Variants in TMEM232 observed in about 807,000 individuals in gnomAD.
TMEM232 encodes transmembrane protein 232.
Under a neutral mutation model 78.8 loss-of-function variants are expected in TMEM232, and 80 were observed. The observed-to-expected ratio is 1.01, with a 90% CI of 0.85 to 1.22. The LOEUF is 1.22. TMEM232 is among the 50% of genes most tolerant of loss of function. The pLI is 0.00. For missense variants in TMEM232, 881 were observed against 742.2 expected (o/e 1.19, Z -2.17); for synonymous variants, 297 against 254.3 (o/e 1.17, Z -1.60).
chr5:110,519,437 C>T (rs576052113), intron 12 of TMEM232, among the ~76,000 whole-genome samples: 52 of 152,158 alleles, frequency 3.4e-4, no homozygotes, highest in African/African-American at 1.1e-3. Context: ...TCTCATCCCA[C>T]GTAAAATGGC....
At chr5:110,415,019 C>T (rs1276277126), downstream of TMEM232, among the ~76,000 whole-genome samples, 3 of 152,112 alleles carry the variant, frequency 2.0e-5, no homozygotes, top group Non-Finnish European at 4.4e-5. Flanking sequence ...AAAATGTTTG[C>T]ATACAATATC....
chr5:110,638,379 C>A, intron 4 of TMEM232, 24 bp from the exon 5 acceptor site: 1 of 1,506,708 alleles, frequency 6.6e-7, no homozygotes, highest in Non-Finnish European at 8.9e-7. Context: ...AATATAGAAA[C>A]TGCATCATTT....
intron 10 of TMEM232, among the ~76,000 whole-genome samples, chr5:110,572,739 C>A (rs1777101794): frequency 6.6e-6 from 1 of 151,996 alleles, no homozygotes; most frequent in Non-Finnish European, 1.5e-5. Context: ...GATTTAAACT[C>A]AATTGAAGTG....
chr5:110,687,624 T>A (rs181198146), intron 1 of TMEM232, among the ~76,000 whole-genome samples: 1 of 152,110 alleles, frequency 6.6e-6, no homozygotes, highest in African/African-American at 2.4e-5. Flanking sequence ...TTATATCTAT[T>A]GTTTTGGGAA....
intron 2 of TMEM232, among the ~76,000 whole-genome samples, chr5:110,654,592 G>A (rs1207102489): frequency 5.9e-5 from 9 of 152,146 alleles, no homozygotes; most frequent in African/African-American, 9.7e-5. Flanking sequence ...GATGCCTCCA[G>A]CTTTGTTCTT....
intron 10 of TMEM232, among the ~76,000 whole-genome samples, chr5:110,593,350 A>G (rs1056770047): frequency 6.6e-6 from 1 of 152,232 alleles, no homozygotes; most frequent in African/African-American, 2.4e-5. Flanking sequence ...CTAGGCCATC[A>G]AAATAAAGTC....
intron 10 of TMEM232, among the ~76,000 whole-genome samples, chr5:110,570,401 T>C (rs1247541733): frequency 6.6e-6 from 1 of 151,978 alleles, no homozygotes; most frequent in Non-Finnish European, 1.5e-5. Context: ...AAAGATAATC[T>C]GTATCTTCAA....
chr5:110,388,494 G>T (rs112363714), intron 4 of TMEM232, among the ~76,000 whole-genome samples: 1 of 152,110 alleles, frequency 6.6e-6, no homozygotes. Context: ...TGATTTGGGG[G>T]TTGCTTTTTA....
rs543872437 is a variant in TMEM232, at chr5:110,591,989, A to G, written c.1276+13120T>C. ...TGGTCCTGTGGAACTGGGCTTTATT[A>G]CTAATGATCATGCATGCAGGACACC... On this transcript the variant is annotated intron_variant, in intron 10 of 13. Transcript: ENST00000455884. 5.3e-5 allele frequency among the ~76,000 whole-genome samples: 8 copies of G among 152,284 alleles called. No individual in the cohort carries two copies. The South Asian group carries it at 1.7e-3, about 32-fold the overall frequency.
At chr5:110,661,336 G>A (rs960022761) in intron 2 of TMEM232, among the ~76,000 whole-genome samples, 1 of 152,106 alleles carries the variant, frequency 6.6e-6, no homozygotes, top group African/African-American at 2.4e-5. Flanking sequence ...TCTTGAGGTA[G>A]GGTCTTGCTC....
chr5:110,651,751 T>C (rs1788338571), intron 2 of TMEM232, among the ~76,000 whole-genome samples: 1 of 151,906 alleles, frequency 6.6e-6, no homozygotes, highest in African/African-American at 2.4e-5. Context: ...TTAGAGCATG[T>C]TGACTTGGTT....
rs1756450900 is a variant in TMEM232 at position 110,419,615 on chromosome 5, C to T, written c.*965G>A. 6.6e-6 allele frequency among the ~76,000 whole-genome samples: 1 copy of T among 152,084 alleles called. No homozygotes were observed. The highest frequency in any genetic ancestry group is 6.6e-5 in the Admixed American group (1 of 15,260). On this transcript the variant is annotated 3_prime_UTR_variant, in exon 14 of 14. Transcript: ENST00000455884. ...AATGTAACCGAGTGATGGGAAATTT[C>T]TCTATATGGGATAGGTATTCCTTAG...
intron 12 of TMEM232, among the ~76,000 whole-genome samples, chr5:110,450,094 G>C (rs899125754): frequency 7.2e-5 from 11 of 151,996 alleles, no homozygotes. Flanking sequence ...TTTCCTCTCT[G>C]TCTCCTGCTG....
At position 110,695,487 on chromosome 5, in the gene TMEM232, C is replaced by A. The variant is rs187011276; in HGVS notation, c.-12-28123G>T. 1.3e-3 allele frequency among the ~76,000 whole-genome samples: 197 copies of A among 152,166 alleles called. 1 individual carries two copies. Among genetic ancestry groups the A allele is most frequent in the African/African-American group, 4.4e-3 (181 of 41,524 alleles). ...CTGAAGGGAATAGAGACACAAAAAA[C>A]CCCTCAAAAAATCAATGAATCCAGG... On this transcript the variant is annotated intron_variant, in intron 1 of 13. Coordinates refer to ENST00000455884, the MANE Select transcript of TMEM232 (RefSeq NM_001039763.4).
intron 1 of TMEM232, among the ~76,000 whole-genome samples, chr5:110,719,357 A>C (rs899661180): frequency 6.6e-6 from 1 of 151,978 alleles, no homozygotes; most frequent in Non-Finnish European, 1.5e-5. Context: ...TCCATTTGAG[A>C]CATTCTGTTC....
chr5:110,423,067 C>G (rs555885809), intron 13 of TMEM232, among the ~76,000 whole-genome samples: 1 of 152,130 alleles, frequency 6.6e-6, no homozygotes, highest in South Asian at 2.1e-4. Context: ...CATATGATAA[C>G]CCTTCAACAA....
At chr5:110,478,828 C>T (rs1291559474) in intron 12 of TMEM232, among the ~76,000 whole-genome samples, 2 of 150,102 alleles carry the variant, frequency 1.3e-5, no homozygotes, top group Non-Finnish European at 3.0e-5. Context: ...AAATGCTAAG[C>T]AGTGTTTTGT....
intron 1 of TMEM232, among the ~76,000 whole-genome samples, chr5:110,689,644 C>G (rs1793848769): frequency 6.6e-6 from 1 of 152,068 alleles, no homozygotes; most frequent in African/African-American, 2.4e-5. Context: ...CTTTAAATTT[C>G]ATATGGAACC....
At chr5:110,403,985 G>A (rs959031221) in intron 2 of TMEM232, among the ~76,000 whole-genome samples, 1 of 151,900 alleles carries the variant, frequency 6.6e-6, no homozygotes, top group African/African-American at 2.4e-5. Context: ...TGGGTGCGGG[G>A]TAGGACTTTT....
Sources: gnomAD v4.1 joint callset for allele counts (sites outside exome capture counted in the v4.1 genomes callset) on GRCh38, gnomAD v4.1.1 for gene constraint, MANE v1.5 for transcripts, NCBI Gene and HGNC (gene_info 2026-07-23, HGNC 2026-07-21) for gene names.